PTPRE: variants seen among roughly 807,000 people sequenced by gnomAD.
PTPRE encodes the protein receptor-type tyrosine-protein phosphatase epsilon.
In PTPRE, 51 loss-of-function variants were observed where a neutral mutation model predicts 102.0. That is an observed-to-expected ratio of 0.50 (90% CI 0.40 to 0.63). The LOEUF is 0.63. Ranked by LOEUF, PTPRE falls within the 30% of genes least tolerant of loss-of-function variation. The pLI, the probability that PTPRE is intolerant of heterozygous loss-of-function variation, is 0.00. For synonymous variants in PTPRE, 345 were observed against 348.2 expected, an observed-to-expected ratio of 0.99 and a Z score of 0.10; for missense variants, 752 against 915.1, an observed-to-expected ratio of 0.82 and a Z score of 2.30.
Position 128,076,594 on chromosome 10 carries a change from T to C in PTPRE, c.1600-9T>C. 6.4e-7 allele frequency: 1 copy of C among 1,561,676 alleles called. No individual in the cohort carries two copies. Among genetic ancestry groups the C allele is most frequent in the South Asian group, 1.2e-5 (1 of 82,858 alleles). ...TTACAAGACTTAAATTTTTATTTTA[T>C]CCCCTAAGGATAAATGCTACCAGTA... On this transcript the variant is annotated splice_polypyrimidine_tract_variant and intron_variant, in intron 17 of 20. Transcript: ENST00000254667.
At chr10:127,951,345 A>G (rs1849009280) in intron 1 of PTPRE, among the ~76,000 whole-genome samples, 1 of 152,148 alleles carries the variant, frequency 6.6e-6, no homozygotes, top group Non-Finnish European at 1.5e-5. Context: ...TCTTTCTCCC[A>G]TCTTTCCCTA....
chr10:127,951,468 C>A (rs11597645), intron 1 of PTPRE, among the ~76,000 whole-genome samples: 1 of 152,174 alleles, frequency 6.6e-6, no homozygotes, highest in African/African-American at 2.4e-5. Context: ...TCCAGGAGAC[C>A]TGAAATGTCA....
chr10:128,032,439 G>A (rs973995584), intron 2 of PTPRE, among the ~76,000 whole-genome samples: 2 of 152,248 alleles, frequency 1.3e-5, no homozygotes, highest in African/African-American at 4.8e-5. Flanking sequence ...AGACACCTGT[G>A]TAGGGAACAG....
At chr10:127,985,859 G>A (rs1273402049) in intron 2 of PTPRE, among the ~76,000 whole-genome samples, 2 of 152,162 alleles carry the variant, frequency 1.3e-5, no homozygotes, top group African/African-American at 4.8e-5. Context: ...GGGAGGCCGA[G>A]GTGGGAGGAT....
At chr10:127,982,226 C>T in intron 1 of PTPRE, 48 bp from the exon 2 acceptor site, 3 of 1,184,774 alleles carry the variant, frequency 2.5e-6, no homozygotes, top group Non-Finnish European at 3.3e-6. Context: ...TAGCAGCCAA[C>T]TCCTGTTAAC....
intron 2 of PTPRE, among the ~76,000 whole-genome samples, chr10:127,995,205 A>G (rs184356637): frequency 5.9e-5 from 9 of 152,278 alleles, no homozygotes; most frequent in Non-Finnish European, 1.0e-4. Context: ...TCACAGATCC[A>G]CACATCTTTG....
chr10:128,069,944 G>A, intron 13 of PTPRE, 117 bp downstream of exon 13: 1 of 1,528,660 alleles, frequency 6.5e-7, no homozygotes, highest in Admixed American at 1.8e-5. Flanking sequence ...GCCTGGGCCT[G>A]GCCTGGCTTC....
In PTPRE at chr10:127,912,017, C is replaced by T. The variant is rs185980085; in HGVS notation, c.-31+4708C>T. On this transcript the variant is annotated intron_variant, in intron 1 of 20. Coordinates refer to ENST00000254667, the MANE Select transcript of PTPRE (RefSeq NM_006504.6). ...AGACACAGATGAGCAGTTGCGGGGT[C>T]GTTCGCTGCTGGATGTGGGCTAGGA... Among the ~76,000 whole-genome samples the T allele has an allele frequency of 8.7e-4, 132 of 152,214 alleles. 1 individual carries two copies. The East Asian group carries it at 0.02, about 23-fold the overall frequency.
chr10:127,969,902 C>T (rs924591404), intron 1 of PTPRE, among the ~76,000 whole-genome samples: 2 of 150,468 alleles, frequency 1.3e-5, no homozygotes, highest in African/African-American at 2.5e-5. Context: ...CCTCAGGCTG[C>T]TGGCCATGGG....
chr10:128,027,277 G>A (rs958595243), intron 2 of PTPRE, among the ~76,000 whole-genome samples: 5 of 152,332 alleles, frequency 3.3e-5, no homozygotes, highest in Admixed American at 3.3e-4. Flanking sequence ...GCAGTGAGAG[G>A]CCTGATGGAG....
intron 2 of PTPRE, among the ~76,000 whole-genome samples, chr10:127,984,086 T>C (rs1188220412): frequency 5.3e-5 from 8 of 150,160 alleles, no homozygotes; most frequent in South Asian, 2.1e-4. Context: ...TTCTTTTTTT[T>C]TTTTTTTTTT....
chr10:127,990,310 G>A (rs1191398330), intron 2 of PTPRE, among the ~76,000 whole-genome samples: 3 of 150,410 alleles, frequency 2.0e-5, no homozygotes, highest in Non-Finnish European at 4.4e-5. Context: ...TACTCAGGAG[G>A]CAGAGGCAGG....
In PTPRE at chr10:128,050,354, T is replaced by TGGATGGATGGAC. The variant is rs1554936904; in HGVS notation, c.420+699_420+700insCGGATGGATGGA. On this transcript the variant is annotated intron_variant, in intron 6 of 20. Transcript: ENST00000254667. ...GCGGATGGATGGATGGATGGATGGA[T>TGGATGGATGGAC]GGATGGATGGATGGATGGATGGAGT... Among the ~76,000 whole-genome samples the TGGATGGATGGAC allele has an allele frequency of 6.7e-5, 9 of 134,772 alleles. 1 individual carries two copies. The highest frequency in any genetic ancestry group is 5.8e-4 in the Admixed American group (8 of 13,786). The allele number at this position is 134,772 out of a possible 152,430, so 88.4% of individuals were successfully genotyped here.
At chr10:128,072,108 T>A in intron 15 of PTPRE, 30 bp from the exon 16 acceptor site, 1 of 1,601,616 alleles carries the variant, frequency 6.2e-7, no homozygotes, top group Non-Finnish European at 8.5e-7. Context: ...ACCCTTTTTG[T>A]AATAACTAAA....
chr10:128,013,225 C>G (rs1314758105), intron 2 of PTPRE, among the ~76,000 whole-genome samples: 1 of 152,134 alleles, frequency 6.6e-6, no homozygotes, highest in African/African-American at 2.4e-5. Flanking sequence ...AAGTGTGTAG[C>G]CTTACCAAAT....
intron 2 of PTPRE, among the ~76,000 whole-genome samples, chr10:127,993,771 G>GTC (rs1237861163): frequency 6.6e-6 from 1 of 151,386 alleles, no homozygotes; most frequent in Non-Finnish European, 1.5e-5. Flanking sequence ...TCATAGTGGT[G>GTC]TGTGTGTGTG....
At chr10:128,026,883 A>T (rs1204702472) in intron 2 of PTPRE, among the ~76,000 whole-genome samples, 1 of 152,266 alleles carries the variant, frequency 6.6e-6, no homozygotes, top group African/African-American at 2.4e-5. Flanking sequence ...CATCCATGTA[A>T]GTATATTCAC....
chr10:127,941,638 G>T (rs1272506914), intron 1 of PTPRE, among the ~76,000 whole-genome samples: 3 of 152,234 alleles, frequency 2.0e-5, no homozygotes, highest in African/African-American at 7.2e-5. Flanking sequence ...CCATTTCCTA[G>T]CCGCACTTGG....
At chr10:127,922,849 C>G (rs139773365) in intron 1 of PTPRE, among the ~76,000 whole-genome samples, 28 of 152,352 alleles carry the variant, frequency 1.8e-4, no homozygotes, top group Non-Finnish European at 3.2e-4. Context: ...CTTCCCTCCC[C>G]CTCTGCCCTC....
Sources: gnomAD v4.1 joint callset for allele counts (sites outside exome capture counted in the v4.1 genomes callset) on GRCh38, gnomAD v4.1.1 for gene constraint, MANE v1.5 for transcripts, NCBI Gene and HGNC (gene_info 2026-07-23, HGNC 2026-07-21) for gene names.